ABLIM1: variants seen among roughly 807,000 people sequenced by gnomAD.
ABLIM1 encodes the protein actin binding LIM protein 1.
A neutral mutation model predicts 107.0 loss-of-function variants in ABLIM1; 40 were observed. That is an observed-to-expected ratio of 0.37 (90% CI 0.29 to 0.49). The LOEUF (loss-of-function observed/expected upper bound fraction) is 0.49, where lower values mean the gene tolerates loss of function less well. Ranked by LOEUF, ABLIM1 falls within the 20% of genes least tolerant of loss-of-function variation. The pLI, the probability that ABLIM1 is intolerant of heterozygous loss-of-function variation, is 0.97. For missense variants in ABLIM1, 857 were observed against 1,008.5 expected (o/e 0.85, Z 2.04); for synonymous variants, 357 against 357.3 (o/e 1.00, Z 0.01).
chr10:114,460,094 T>TA (rs1441481871), intron 12 of ABLIM1, among the ~76,000 whole-genome samples: 1 of 152,182 alleles, frequency 6.6e-6, no homozygotes, highest in Non-Finnish European at 1.5e-5. Flanking sequence ...AAGTGTGCTT[T>TA]AAAAATTATC....
At chr10:114,491,267 A>C (rs562350315) in intron 7 of ABLIM1, among the ~76,000 whole-genome samples, 1 of 151,752 alleles carries the variant, frequency 6.6e-6, no homozygotes, top group South Asian at 2.1e-4. Context: ...AGAGCTAATC[A>C]ACTTAATGGG....
intron 2 of ABLIM1, among the ~76,000 whole-genome samples, chr10:114,596,038 C>T (rs1447809076): frequency 6.6e-6 from 1 of 152,176 alleles, no homozygotes; most frequent in African/African-American, 2.4e-5. Flanking sequence ...TAGTTGGTGG[C>T]AACTCCATCT....
chr10:114,476,275 C>T (rs2056384055), intron 8 of ABLIM1, among the ~76,000 whole-genome samples: 1 of 152,190 alleles, frequency 6.6e-6, no homozygotes, highest in Admixed American at 6.5e-5. Context: ...ATACCAATCA[C>T]AGGCATATCT....
chr10:114,436,106 T>C lies in ABLIM1; in HGVS notation c.*154A>G. The C allele has an allele frequency of 1.6e-6, 1 of 611,060 alleles. No homozygotes were observed. 37.9% of individuals were successfully genotyped at this position (611,060 alleles called of 1,614,324 possible). Reference sequence around the variant, plus strand: ...GTGTTACTGTTGGCTGGCCCGACATTTGACTCATGGTGTTTTAACCAGACT... The same window carrying C: ...GTGTTACTGTTGGCTGGCCCGACATCTGACTCATGGTGTTTTAACCAGACT... On this transcript the variant is annotated 3_prime_UTR_variant, in exon 23 of 23. Coordinates refer to ENST00000533213, the MANE Select transcript of ABLIM1 (RefSeq NM_002313.7).
intron 1 of ABLIM1, among the ~76,000 whole-genome samples, chr10:114,700,888 T>C (rs1406247465): frequency 6.6e-6 from 1 of 152,084 alleles, no homozygotes; most frequent in Non-Finnish European, 1.5e-5. Flanking sequence ...CAAAAACTCC[T>C]TGGATAGGAT....
At chr10:114,449,177 G>A (rs56176912) in intron 14 of ABLIM1, among the ~76,000 whole-genome samples, 4,228 of 152,272 alleles carry the variant, frequency 0.028, 198 homozygotes, top group African/African-American at 0.098. Context: ...TAGAGCCCCA[G>A]ATCTAACCTA....
upstream of ABLIM1, among the ~76,000 whole-genome samples, chr10:114,660,452 A>AAAAAG (rs61626874): frequency 0.14 from 21,175 of 148,102 alleles, 2,279 homozygotes; most frequent in East Asian, 0.57. Flanking sequence ...TGAAATTTAA[A>AAAAAG]AAAAGAAAAG....
intron 1 of ABLIM1, among the ~76,000 whole-genome samples, chr10:114,711,416 T>C (rs1403113702): frequency 1.3e-5 from 2 of 152,178 alleles, no homozygotes; most frequent in East Asian, 1.9e-4. Flanking sequence ...GTTAAGACCA[T>C]TGAGAAGCCA....
chr10:114,704,294 CTCTCTCTCTATATATA>C (rs1189860807), intron 1 of ABLIM1, among the ~76,000 whole-genome samples: 480 of 28,470 alleles, frequency 0.017, 2 homozygotes, highest in African/African-American at 0.058. Context: ...CTCTCTCTCT[CTCTCTCTCTATATATA>C]TATATATATA....
intron 1 of ABLIM1, among the ~76,000 whole-genome samples, chr10:114,755,741 T>C (rs2082616535): frequency 6.6e-6 from 1 of 152,230 alleles, no homozygotes; most frequent in African/African-American, 2.4e-5. Flanking sequence ...GGCTCCGCTC[T>C]GTTATTTGCT....
chr10:114,721,986 G>A (rs1190795012), intron 1 of ABLIM1, among the ~76,000 whole-genome samples: 3 of 152,132 alleles, frequency 2.0e-5, no homozygotes, highest in Non-Finnish European at 4.4e-5. Flanking sequence ...ATGTATGTGT[G>A]TTTGCATGTG....
At chr10:114,558,001 T>C (rs180926725) in intron 4 of ABLIM1, among the ~76,000 whole-genome samples, 1 of 152,250 alleles carries the variant, frequency 6.6e-6, no homozygotes, top group East Asian at 1.9e-4. Context: ...ATCTCTAATT[T>C]TGGACAGTCA....
intron 1 of ABLIM1, among the ~76,000 whole-genome samples, chr10:114,624,859 C>A (rs2077688163): frequency 6.6e-6 from 1 of 151,658 alleles, no homozygotes; most frequent in Non-Finnish European, 1.5e-5. Flanking sequence ...TGAAGCAGAG[C>A]CACACTTCCT....
chr10:114,797,796 C>T, the ABLIM1 span, among the ~76,000 whole-genome samples: 811 of 152,226 alleles, frequency 5.3e-3, 3 homozygotes, highest in Non-Finnish European at 8.1e-3. Context: ...TGATTTATGG[C>T]CTTCTGGGGC....
At chr10:114,706,318 G>C (rs2081419817) in intron 1 of ABLIM1, among the ~76,000 whole-genome samples, 1 of 152,174 alleles carries the variant, frequency 6.6e-6, no homozygotes, top group Non-Finnish European at 1.5e-5. Flanking sequence ...TATCACCCAA[G>C]TTATATAAAC....
intron 8 of ABLIM1, among the ~76,000 whole-genome samples, chr10:114,484,017 G>A (rs1252330267): frequency 6.6e-6 from 1 of 152,200 alleles, no homozygotes; most frequent in African/African-American, 2.4e-5. Flanking sequence ...GGCAGGTGGT[G>A]CGTCTCTCTT....
At chr10:114,777,329 C>G in the ABLIM1 span, among the ~76,000 whole-genome samples, 1 of 152,016 alleles carries the variant, frequency 6.6e-6, no homozygotes, top group Non-Finnish European at 1.5e-5. Context: ...TCATGTTTTT[C>G]CATATTTTTT....
chr10:114,554,311 T>C (rs1448191580), intron 4 of ABLIM1, among the ~76,000 whole-genome samples: 1 of 152,070 alleles, frequency 6.6e-6, no homozygotes, highest in African/African-American at 2.4e-5. Flanking sequence ...ACCTAGGAAA[T>C]GGTGAAGCTC....
chr10:114,606,902 C>T (rs2076454601), intron 1 of ABLIM1, among the ~76,000 whole-genome samples: 1 of 152,160 alleles, frequency 6.6e-6, no homozygotes, highest in Admixed American at 6.5e-5. Context: ...CCAGAATAAT[C>T]CCCTAATTAC....
Sources: gnomAD v4.1 joint callset for allele counts (sites outside exome capture counted in the v4.1 genomes callset) on GRCh38, gnomAD v4.1.1 for gene constraint, MANE v1.5 for transcripts, NCBI Gene and HGNC (gene_info 2026-07-23, HGNC 2026-07-21) for gene names.